Variants in TTC39C observed in about 807,000 individuals in gnomAD.
TTC39C encodes the protein tetratricopeptide repeat protein 39C.
A neutral mutation model predicts 76.3 loss-of-function variants in TTC39C; 33 were observed. The ratio of observed to expected loss-of-function variants is 0.43; its 90% CI spans 0.33 to 0.58. The LOEUF (loss-of-function observed/expected upper bound fraction) is 0.58. Ranked by LOEUF, TTC39C falls within the 20% of genes least tolerant of loss-of-function variation. The probability of loss-of-function intolerance (pLI) is 0.04; values close to 1 mark genes in which losing one functional copy is unlikely to be tolerated. For synonymous variants in TTC39C, 254 were observed against 260.6 expected (o/e 0.97, Z 0.24); for missense variants, 595 against 701.4 (o/e 0.85, Z 1.71).
chr18:24,133,812 A>G lies in TTC39C; in HGVS notation c.*1238A>G, dbSNP rs186842784. ...CTGCCATAATTTGGCTCAATGTTTA[A>G]GGTTAGATTTTTAAAGAAATTTTTA... is the stretch of plus-strand genomic sequence containing the variant. On this transcript the variant is annotated 3_prime_UTR_variant, in exon 14 of 14. Coordinates refer to ENST00000317571, the MANE Select transcript of TTC39C (RefSeq NM_001135993.2). 1 of 152,196 alleles carries G rather than the reference A, an allele frequency of 6.6e-6. No individual in the cohort carries two copies. Among genetic ancestry groups the G allele is most frequent in the African/African-American group, 2.4e-5 (1 of 41,450 alleles). The allele number at this position is 152,196 out of a possible 1,614,324, so 9.4% of individuals were successfully genotyped here. A position where few individuals can be genotyped will look rare whatever the true frequency, so the allele number is the denominator to read the frequency against.
At chr18:24,115,610 C>T (rs1284872675) in intron 7 of TTC39C, among the ~76,000 whole-genome samples, 1 of 152,190 alleles carries the variant, frequency 6.6e-6, no homozygotes, top group East Asian at 1.9e-4. Flanking sequence ...ACAGAATGCT[C>T]AGGGAAGCAG....
In TTC39C at chr18:24,132,711, C is replaced by A; in HGVS notation, c.*137C>A. On this transcript the variant is annotated 3_prime_UTR_variant, in exon 14 of 14. Transcript: ENST00000317571. ...CCAGGGACACATTTTCCCAGTTAAG[C>A]TGACATATTAAAGATCTCCTCTTTT... is the stretch of plus-strand genomic sequence containing the variant. 1.7e-6 allele frequency: 1 copy of A among 597,350 alleles called. No homozygotes were observed. The highest frequency in any genetic ancestry group is 2.8e-6 in the Non-Finnish European group (1 of 352,422). The allele number at this position is 597,350 out of a possible 1,614,324, so 37.0% of individuals were successfully genotyped here.
At chr18:24,121,362 C>T (rs1334103678) in intron 8 of TTC39C, among the ~76,000 whole-genome samples, 1 of 151,944 alleles carries the variant, frequency 6.6e-6, no homozygotes, top group Non-Finnish European at 1.5e-5. Context: ...CACCTGAGGT[C>T]GGGAGTTCGA....
At chr18:24,014,242 G>A (rs565733674), upstream of TTC39C, among the ~76,000 whole-genome samples, 393 of 152,224 alleles carry the variant, frequency 2.6e-3, 2 homozygotes, top group African/African-American at 9.0e-3. Context: ...AGTTACTCGT[G>A]GAGTTTCAGT....
At chr18:24,059,594 T>G (rs567886488) in intron 1 of TTC39C, among the ~76,000 whole-genome samples, 1 of 152,358 alleles carries the variant, frequency 6.6e-6, no homozygotes, top group Admixed American at 6.5e-5. Flanking sequence ...ATATACCACA[T>G]TTTCTTTATT....
At chr18:24,038,920 C>A (rs2083761217) in intron 1 of TTC39C, among the ~76,000 whole-genome samples, 1 of 152,152 alleles carries the variant, frequency 6.6e-6, no homozygotes, top group Non-Finnish European at 1.5e-5. Flanking sequence ...ATTAGGACCC[C>A]ATCCTTATGA....
chr18:24,010,592 A>T (rs1034206922), upstream of TTC39C, among the ~76,000 whole-genome samples: 1 of 152,244 alleles, frequency 6.6e-6, no homozygotes, highest in African/African-American at 2.4e-5. Flanking sequence ...CCTTCTTAGA[A>T]TTCCAAACAT....
intron 6 of TTC39C, among the ~76,000 whole-genome samples, chr18:24,100,124 T>C (rs8085457): frequency 1.6e-4 from 25 of 152,340 alleles, no homozygotes; most frequent in Non-Finnish European, 2.2e-4. Context: ...TGTATTAGAA[T>C]AGTTGGATAT....
intron 1 of TTC39C, chr18:24,001,590 C>T (rs1031462478): frequency 6.6e-6 from 1 of 152,320 alleles, no homozygotes; most frequent in African/African-American, 2.4e-5. Context: ...TGTTCCACCG[C>T]GGTTTTCTAA....
Position 24,035,088 on chromosome 18 carries a change from T to A in TTC39C, c.167+20050T>A, listed in dbSNP as rs138210646. 2.2e-3 allele frequency among the ~76,000 whole-genome samples: 332 copies of A among 152,226 alleles called. 1 individual carries two copies. Among genetic ancestry groups the A allele is most frequent in the African/African-American group, 7.5e-3 (313 of 41,550 alleles). The stretch of plus-strand genomic sequence containing the variant: ...ACAGAATCTGGTCTCTTGCCTAGGC[T>A]TACGTACAGTGGTGTGATCAGAGAT... On this transcript the variant is annotated intron_variant, in intron 1 of 13. Transcript: ENST00000317571.
chr18:24,120,345 T>C (rs1204852924), intron 8 of TTC39C, among the ~76,000 whole-genome samples: 2 of 152,014 alleles, frequency 1.3e-5, no homozygotes, highest in Non-Finnish European at 2.9e-5. Context: ...TGAGACTCTG[T>C]CTCAAAAACA....
At chr18:24,046,181 A>G (rs1008284518) in intron 1 of TTC39C, among the ~76,000 whole-genome samples, 2 of 151,742 alleles carry the variant, frequency 1.3e-5, no homozygotes, top group South Asian at 2.1e-4. Flanking sequence ...CTCGTGATCC[A>G]CCTGCCTTGG....
intron 1 of TTC39C, among the ~76,000 whole-genome samples, chr18:24,009,421 A>G (rs1372651505): frequency 1.3e-5 from 2 of 152,130 alleles, no homozygotes; most frequent in Non-Finnish European, 2.9e-5. Context: ...CAGACAAGAG[A>G]AGTAATGGAC....
chr18:24,014,206 C>G (rs2083416328), upstream of TTC39C, among the ~76,000 whole-genome samples: 1 of 151,962 alleles, frequency 6.6e-6, no homozygotes, highest in African/African-American at 2.4e-5. Context: ...AGTCTGGGGT[C>G]GCGGGCGCGG....
intron 1 of TTC39C, among the ~76,000 whole-genome samples, chr18:24,018,729 G>A (rs1313412343): frequency 6.6e-6 from 1 of 152,140 alleles, no homozygotes; most frequent in African/African-American, 2.4e-5. Flanking sequence ...AAAGGAGAAT[G>A]TGAGAGGTGG....
chr18:24,047,739 A>C (rs2083903222), intron 1 of TTC39C, among the ~76,000 whole-genome samples: 1 of 152,222 alleles, frequency 6.6e-6, no homozygotes, highest in Non-Finnish European at 1.5e-5. Context: ...TACTTTAATA[A>C]AACTTTTGAA....
chr18:24,083,425 C>A (rs1164247371), intron 6 of TTC39C, among the ~76,000 whole-genome samples: 1 of 152,142 alleles, frequency 6.6e-6, no homozygotes, highest in African/African-American at 2.4e-5. Flanking sequence ...TACTAATAAT[C>A]TCTTTCTAAA....
chr18:24,073,907 T>C (rs1002120434), intron 4 of TTC39C, among the ~76,000 whole-genome samples: 1 of 152,258 alleles, frequency 6.6e-6, no homozygotes, highest in Admixed American at 6.5e-5. Flanking sequence ...TTTATTTACA[T>C]GTCTGCCTAA....
At chr18:24,065,886 A>G in intron 2 of TTC39C, 126 bp from the exon 3 acceptor site, 16 of 985,784 alleles carry the variant, frequency 1.6e-5, no homozygotes, top group Non-Finnish European at 2.2e-5. Flanking sequence ...ATGCTGTAAC[A>G]TTGTGATTCT....
Sources: gnomAD v4.1 joint callset for allele counts (sites outside exome capture counted in the v4.1 genomes callset) on GRCh38, gnomAD v4.1.1 for gene constraint, MANE v1.5 for transcripts, NCBI Gene and HGNC (gene_info 2026-07-23, HGNC 2026-07-21) for gene names.